MAGI2: variants seen among roughly 807,000 people sequenced by gnomAD.
The protein encoded by MAGI2 is membrane associated guanylate kinase, WW and PDZ domain containing 2.
Under a neutral mutation model 133.3 loss-of-function variants are expected in MAGI2, and 35 were observed. The ratio of observed to expected loss-of-function variants is 0.26; its 90% CI spans 0.20 to 0.35. MAGI2 has a LOEUF of 0.35. MAGI2 is among the 10% of genes least tolerant of loss of function. MAGI2 has a pLI of 1.00. For synonymous variants in MAGI2, 729 were observed against 710.6 expected (o/e 1.03, Z -0.41); for missense variants, 1,636 against 1,863.4 (o/e 0.88, Z 2.25).
chr7:79,346,215 G>A (rs1228054286), intron 1 of MAGI2, among the ~76,000 whole-genome samples: 4 of 151,856 alleles, frequency 2.6e-5, no homozygotes, highest in Non-Finnish European at 5.9e-5. Flanking sequence ...CCTTCCTTCA[G>A]CTCACTTCCT....
chr7:78,025,170 C>T (rs752017837), intron 21 of MAGI2, among the ~76,000 whole-genome samples: 6 of 152,216 alleles, frequency 3.9e-5, no homozygotes, highest in East Asian at 1.9e-4. Context: ...ATGCTCCAAG[C>T]TCACTTTCTA....
At chr7:78,186,504 G>T (rs532259964) in intron 12 of MAGI2, among the ~76,000 whole-genome samples, 63 of 152,268 alleles carry the variant, frequency 4.1e-4, no homozygotes, top group Non-Finnish European at 7.1e-4. Flanking sequence ...CTTTCACCAT[G>T]TCTTTATCTG....
rs111667444 is a variant in MAGI2, at chr7:78,571,966, C to T, written c.539-50321G>A. Among the ~76,000 whole-genome samples, 288 of 152,116 alleles carry T rather than the reference C, an allele frequency of 1.9e-3. 2 individuals are homozygous for T. Among genetic ancestry groups the T allele is most frequent in the African/African-American group, 5.3e-3 (219 of 41,510 alleles). ...TTTCTGATATGGCAAAGTCCTGGCACGCAGGACTTACCACTATTTGTCTAC... is the reference window on the plus strand; with the variant it reads ...TTTCTGATATGGCAAAGTCCTGGCATGCAGGACTTACCACTATTTGTCTAC... On this transcript the variant is annotated intron_variant, in intron 3 of 21. Coordinates refer to ENST00000354212, the MANE Select transcript of MAGI2 (RefSeq NM_012301.4).
At chr7:78,371,158 G>T (rs1356036735) in intron 6 of MAGI2, among the ~76,000 whole-genome samples, 2 of 151,828 alleles carry the variant, frequency 1.3e-5, no homozygotes, top group Non-Finnish European at 1.5e-5. Context: ...CTCTCCAGAT[G>T]GTTTTCACCA....
At chr7:78,451,893 A>G (rs562543293) in intron 6 of MAGI2, among the ~76,000 whole-genome samples, 25 of 152,118 alleles carry the variant, frequency 1.6e-4, no homozygotes, top group Non-Finnish European at 3.7e-4. Flanking sequence ...GGATATCATT[A>G]TAGGACTAGT....
intron 1 of MAGI2, among the ~76,000 whole-genome samples, chr7:79,330,137 C>T (rs1465017906): frequency 7.0e-6 from 1 of 142,928 alleles, no homozygotes; most frequent in Non-Finnish European, 1.5e-5. Flanking sequence ...TGATCAAATA[C>T]CTCTTGCCTC....
intron 1 of MAGI2, chr7:79,415,129 T>C (rs1388434658): frequency 6.6e-6 from 1 of 152,118 alleles, no homozygotes; most frequent in Non-Finnish European, 1.5e-5. Context: ...ATGAATCCAG[T>C]TTTGCTCATT....
intron 1 of MAGI2, among the ~76,000 whole-genome samples, chr7:79,163,044 A>T (rs945963515): frequency 2.0e-5 from 3 of 152,206 alleles, no homozygotes; most frequent in Non-Finnish European, 4.4e-5. Context: ...AACAAAAAAA[A>T]CACTGTAGAG....
chr7:78,576,981 T>C (rs1177390136), intron 3 of MAGI2, among the ~76,000 whole-genome samples: 1 of 152,142 alleles, frequency 6.6e-6, no homozygotes, highest in African/African-American at 2.4e-5. Context: ...CACACAACTT[T>C]GTTAAAACAA....
At chr7:79,145,916 T>C (rs1822574067) in intron 1 of MAGI2, among the ~76,000 whole-genome samples, 3 of 152,244 alleles carry the variant, frequency 2.0e-5, no homozygotes, top group Admixed American at 2.0e-4. Context: ...CAGAAGGCGT[T>C]TCTTCTTGAT....
intron 3 of MAGI2, among the ~76,000 whole-genome samples, chr7:78,551,577 T>A (rs36112871): frequency 0.069 from 10,446 of 152,322 alleles, 434 homozygotes; most frequent in Middle Eastern, 0.092. Flanking sequence ...ACCCACTGCA[T>A]GTCAACCCTG....
intron 1 of MAGI2, among the ~76,000 whole-genome samples, chr7:79,028,921 G>C (rs543879998): frequency 2.6e-4 from 39 of 152,018 alleles, no homozygotes; most frequent in Middle Eastern, 3.4e-3. Context: ...ACTGTCTTTT[G>C]ATAAATAATC....
intron 1 of MAGI2, among the ~76,000 whole-genome samples, chr7:79,111,130 C>G (rs1000148360): frequency 2.6e-5 from 4 of 152,064 alleles, no homozygotes; most frequent in African/African-American, 9.7e-5. Flanking sequence ...ATTAAACAGA[C>G]AAACAAAAAT....
At chr7:79,302,330 T>A (rs934662083) in intron 1 of MAGI2, among the ~76,000 whole-genome samples, 1 of 152,186 alleles carries the variant, frequency 6.6e-6, no homozygotes, top group African/African-American at 2.4e-5. Flanking sequence ...TATTACATTT[T>A]ATATAGGGGA....
intron 21 of MAGI2, among the ~76,000 whole-genome samples, chr7:78,042,400 C>G (rs987164816): frequency 6.6e-6 from 1 of 152,068 alleles, no homozygotes; most frequent in African/African-American, 2.4e-5. Context: ...AGACAACATT[C>G]TGTGTAATGG....
In MAGI2 at chr7:78,785,992, G is replaced by A. The variant is rs1025338749; in HGVS notation, c.419-158753C>T. ...AAGGAGAGAGATAGTGAAGCAGGCT[G>A]GGAGAGAAACAGAGAGGAGGTGTCT... On this transcript the variant is annotated intron_variant, in intron 2 of 21. Transcript: ENST00000354212. 2.0e-5 allele frequency among the ~76,000 whole-genome samples: 3 copies of A among 152,062 alleles called. No individual in the cohort carries two copies. The East Asian group carries it at 5.8e-4, about 29-fold the overall frequency.
chr7:78,426,548 T>A (rs1465976363), intron 6 of MAGI2, among the ~76,000 whole-genome samples: 2 of 152,012 alleles, frequency 1.3e-5, no homozygotes, highest in Non-Finnish European at 2.9e-5. Context: ...ATGGCACATG[T>A]ATACATATGT....
chr7:78,975,241 C>T (rs1394475114), intron 2 of MAGI2, among the ~76,000 whole-genome samples: 1 of 151,738 alleles, frequency 6.6e-6, no homozygotes, highest in African/African-American at 2.4e-5. Flanking sequence ...TCTTCTCAAA[C>T]TCACCTGGAA....
intron 1 of MAGI2, among the ~76,000 whole-genome samples, chr7:79,287,897 A>C (rs1243888981): frequency 1.1e-5 from 1 of 90,796 alleles, no homozygotes; most frequent in Middle Eastern, 6.8e-3. Context: ...ATGCAATTTT[A>C]ATCTTTTTTC....
Sources: gnomAD v4.1 joint callset for allele counts (sites outside exome capture counted in the v4.1 genomes callset) on GRCh38, gnomAD v4.1.1 for gene constraint, MANE v1.5 for transcripts, NCBI Gene and HGNC (gene_info 2026-07-23, HGNC 2026-07-21) for gene names.